Variants in L3MBTL4 observed in about 807,000 individuals in gnomAD.
The protein encoded by L3MBTL4 is lethal(3)malignant brain tumor-like protein 4.
In L3MBTL4, 70 loss-of-function variants were observed where a neutral mutation model predicts 84.5. The ratio of observed to expected loss-of-function variants is 0.83; its 90% CI spans 0.68 to 1.01. The LOEUF is 1.01. L3MBTL4 is among the 50% of genes least tolerant of loss of function. The pLI, the probability that L3MBTL4 is intolerant of heterozygous loss-of-function variation, is 0.00. For synonymous variants in L3MBTL4, 274 were observed against 259.8 expected, an observed-to-expected ratio of 1.05 and a Z score of -0.52; for missense variants, 715 against 754.8, an observed-to-expected ratio of 0.95 and a Z score of 0.62.
Position 6,311,580 on chromosome 18 carries a change from C to G in L3MBTL4, c.46G>C (p.Glu16Gln), listed in dbSNP as rs755591640. ...AAGCGTCCGTCCTGATCCAAACGCTCTTTGGAATCCATATTAAGCTTCCTT... is the reference window on the plus strand; with the variant it reads ...AAGCGTCCGTCCTGATCCAAACGCTGTTTGGAATCCATATTAAGCTTCCTT... ...RKRKLNMDSK[E>Q]RLDQDGRLEQ... The change falls in exon 3 of 19, where the codon GAG becomes CAG. Residue 16 changes from glutamate (E) to glutamine (Q), a missense_variant. Coordinates refer to ENST00000317931, the MANE Select transcript of L3MBTL4 (RefSeq NM_001330559.2). 6.2e-7 allele frequency: 1 copy of G among 1,613,556 alleles called. No homozygotes were observed. Among genetic ancestry groups the G allele is most frequent in the Non-Finnish European group, 8.5e-7 (1 of 1,179,824 alleles).
At chr18:6,313,218 C>T (rs760957554) in intron 1 of L3MBTL4, among the ~76,000 whole-genome samples, 1 of 152,178 alleles carries the variant, frequency 6.6e-6, no homozygotes, top group Non-Finnish European at 1.5e-5. Context: ...ACAGAAGTCT[C>T]TCAATATGTG....
At chr18:6,362,184 G>A (rs2053729499) in intron 1 of L3MBTL4, among the ~76,000 whole-genome samples, 1 of 103,252 alleles carries the variant, frequency 9.7e-6, no homozygotes, top group Admixed American at 1.2e-4. Context: ...AGAAAGGAAG[G>A]AAGGAAGGAA....
chr18:6,003,025 A>G (rs969886974), intron 16 of L3MBTL4, among the ~76,000 whole-genome samples: 1 of 119,220 alleles, frequency 8.4e-6, no homozygotes, highest in African/African-American at 3.3e-5. Context: ...TGCAAAAAGT[A>G]TCTCTATTTA....
At chr18:6,332,123 G>A (rs766197620) in intron 1 of L3MBTL4, among the ~76,000 whole-genome samples, 6 of 152,102 alleles carry the variant, frequency 3.9e-5, no homozygotes, top group Non-Finnish European at 8.8e-5. Flanking sequence ...TTCATATCAT[G>A]TCATCAGCTT....
chr18:6,391,443 C>G (rs2144524271), intron 1 of L3MBTL4, among the ~76,000 whole-genome samples: 1 of 152,214 alleles, frequency 6.6e-6, no homozygotes, highest in African/African-American at 2.4e-5. Context: ...TGACCACTTT[C>G]ACCATTTCTA....
chr18:5,972,902 T>G (rs77308839), intron 16 of L3MBTL4, among the ~76,000 whole-genome samples: 704 of 9,194 alleles, frequency 0.077, 41 homozygotes, highest in East Asian at 0.27. Flanking sequence ...GAGAATAGAA[T>G]AGAATAGAAT....
At chr18:5,986,289 T>C (rs1225633316) in intron 16 of L3MBTL4, among the ~76,000 whole-genome samples, 2 of 152,172 alleles carry the variant, frequency 1.3e-5, no homozygotes, top group Non-Finnish European at 2.9e-5. Context: ...CATGTTCCCA[T>C]GTTCAAATGA....
chr18:6,375,244 GCT>G (rs2054318694), intron 1 of L3MBTL4, among the ~76,000 whole-genome samples: 1 of 151,846 alleles, frequency 6.6e-6, no homozygotes. Context: ...TGCCTCTACG[GCT>G]TGGCTCTCTC....
intron 1 of L3MBTL4, among the ~76,000 whole-genome samples, chr18:6,410,917 T>C (rs56364571): frequency 0.13 from 19,511 of 152,206 alleles, 1,476 homozygotes; most frequent in African/African-American, 0.2. Context: ...CAGGTGACAC[T>C]GAGCAGGGCC....
At position 6,052,700 on chromosome 18, in the gene L3MBTL4, A is replaced by G. The variant is rs984030045; in HGVS notation, c.1444+28181T>C. On this transcript the variant is annotated intron_variant, in intron 16 of 18. Coordinates refer to ENST00000317931, the MANE Select transcript of L3MBTL4 (RefSeq NM_001330559.2). ...TTCTGAGGAAAGAAAGAGAATCTGA[A>G]TTTACGTTTTGCAAATGGCTCACTT... 8.5e-5 allele frequency among the ~76,000 whole-genome samples: 13 copies of G among 152,324 alleles called. 1 individual carries two copies. The highest frequency in any genetic ancestry group is 3.1e-4 in the African/African-American group (13 of 41,584).
At chr18:6,145,586 G>GTTTTTT (rs72394185) in intron 13 of L3MBTL4, among the ~76,000 whole-genome samples, 1 of 145,142 alleles carries the variant, frequency 6.9e-6, no homozygotes, top group Non-Finnish European at 1.5e-5. Flanking sequence ...CATTTAGCAA[G>GTTTTTT]TTTTTTTTTT....
chr18:6,236,390 A>T (rs1156612228), intron 10 of L3MBTL4, among the ~76,000 whole-genome samples: 1 of 152,234 alleles, frequency 6.6e-6, no homozygotes, highest in Non-Finnish European at 1.5e-5. Flanking sequence ...AGACAGAACT[A>T]GCATGTTAAT....
At chr18:6,380,512 T>C (rs1373921878) in intron 1 of L3MBTL4, among the ~76,000 whole-genome samples, 1 of 152,198 alleles carries the variant, frequency 6.6e-6, no homozygotes, top group African/African-American at 2.4e-5. Flanking sequence ...TTCTGGTACA[T>C]TGTGTTGTTG....
At chr18:6,211,114 A>T (rs766266873) in intron 12 of L3MBTL4, among the ~76,000 whole-genome samples, 6 of 152,230 alleles carry the variant, frequency 3.9e-5, no homozygotes, top group Non-Finnish European at 8.8e-5. Flanking sequence ...CACACAGTCA[A>T]ATAAGTCAGT....
intron 1 of L3MBTL4, among the ~76,000 whole-genome samples, chr18:6,329,833 C>T (rs953391537): frequency 2.0e-5 from 3 of 152,182 alleles, no homozygotes; most frequent in African/African-American, 7.2e-5. Flanking sequence ...CTTTTAAATG[C>T]TGAGCACCTC....
chr18:6,015,013 G>T (rs2054900270), intron 16 of L3MBTL4, among the ~76,000 whole-genome samples: 1 of 152,004 alleles, frequency 6.6e-6, no homozygotes, highest in Admixed American at 6.6e-5. Context: ...CCGACCCAGA[G>T]ATCAGGGAGG....
chr18:5,962,892 G>A (rs931445205), intron 17 of L3MBTL4, among the ~76,000 whole-genome samples: 9 of 152,198 alleles, frequency 5.9e-5, no homozygotes, highest in African/African-American at 2.2e-4. Context: ...GGTGGGGTGG[G>A]ATGTTTAACG....
chr18:6,308,871 T>C (rs1215012686), intron 3 of L3MBTL4, among the ~76,000 whole-genome samples: 1 of 152,222 alleles, frequency 6.6e-6, no homozygotes, highest in African/African-American at 2.4e-5. Context: ...ATTCTTACTT[T>C]ACTGCCTGTC....
intron 1 of L3MBTL4, among the ~76,000 whole-genome samples, chr18:6,356,317 C>G (rs1218122869): frequency 6.6e-6 from 1 of 152,246 alleles, no homozygotes; most frequent in Non-Finnish European, 1.5e-5. Context: ...ATCAACATAA[C>G]AGAGTTACGG....
Sources: gnomAD v4.1 joint callset for allele counts (sites outside exome capture counted in the v4.1 genomes callset) on GRCh38, gnomAD v4.1.1 for gene constraint, MANE v1.5 for transcripts, NCBI Gene and HGNC (gene_info 2026-07-23, HGNC 2026-07-21) for gene names.